The following ZNF679 variants were observed in gnomAD, a reference collection of about 807,000 sequenced individuals.
ZNF679 encodes the protein hypothetical protein MGC42415.
ZNF679 carries 10 observed loss-of-function variants against 13.4 expected under a neutral mutation model. The observed-to-expected ratio is 0.75, with a 90% CI of 0.46 to 1.27. The LOEUF is 1.27. ZNF679 is among the 50% of genes most tolerant of loss of function. The pLI is 0.00. For synonymous variants in ZNF679, 179 were observed against 162.5 expected (o/e 1.10, Z -0.77); for missense variants, 525 against 477.8 (o/e 1.10, Z -0.92).
intron 1 of ZNF679, among the ~76,000 whole-genome samples, chr7:64,244,556 A>G (rs531085096): frequency 3.3e-5 from 5 of 152,332 alleles, no homozygotes; most frequent in African/African-American, 1.2e-4. Flanking sequence ...AAGTGTACAA[A>G]GTATTTTCAA....
intron 1 of ZNF679, among the ~76,000 whole-genome samples, chr7:64,230,031 G>A (rs893189932): frequency 1.3e-5 from 2 of 152,206 alleles, no homozygotes; most frequent in Non-Finnish European, 1.5e-5. Flanking sequence ...GGCCCAGGCA[G>A]GAGGGTAACA....
chr7:64,259,966 A>T (rs1382180214), intron 2 of ZNF679, among the ~76,000 whole-genome samples: 2 of 152,090 alleles, frequency 1.3e-5, no homozygotes, highest in African/African-American at 4.8e-5. Flanking sequence ...AGAAAAAAAT[A>T]GACATGTGCA....
chr7:64,242,630 T>G (rs1312936325), intron 1 of ZNF679, among the ~76,000 whole-genome samples: 2 of 152,222 alleles, frequency 1.3e-5, no homozygotes, highest in Non-Finnish European at 2.9e-5. Context: ...TCTCCCTATA[T>G]AAAGGTGACA....
intron 2 of ZNF679, among the ~76,000 whole-genome samples, chr7:64,252,393 G>GA (rs1246125832): frequency 1.3e-4 from 20 of 151,964 alleles, no homozygotes; most frequent in Admixed American, 8.5e-4. Flanking sequence ...ATGAGTTTCA[G>GA]AAAAAAAATT....
chr7:64,249,029 G>C lies in ZNF679; in HGVS notation c.-89G>C, dbSNP rs1327455912. ...TCCTTTGTGTTTCTCTGCGTCCAGA[G>C]CTCCAGTTCTTCTCTTCACTGCTCT... On this transcript the variant is annotated splice_region_variant and 5_prime_UTR_variant, in exon 2 of 5. Transcript: ENST00000421025. 1.3e-6 allele frequency: 2 copies of C among 1,587,762 alleles called. No individual in the cohort carries two copies. Among genetic ancestry groups the C allele is most frequent in the Non-Finnish European group, 1.7e-6 (2 of 1,163,328 alleles).
At chr7:64,243,330 A>G (rs1787822482) in intron 1 of ZNF679, among the ~76,000 whole-genome samples, 1 of 152,082 alleles carries the variant, frequency 6.6e-6, no homozygotes. Context: ...CCCATCAACT[A>G]GGTGCTGGGC....
At chr7:64,238,837 C>T (rs886936867) in intron 1 of ZNF679, among the ~76,000 whole-genome samples, 1 of 152,118 alleles carries the variant, frequency 6.6e-6, no homozygotes, top group Non-Finnish European at 1.5e-5. Flanking sequence ...CTGCACCTGC[C>T]CATAGATCCC....
intron 4 of ZNF679, among the ~76,000 whole-genome samples, chr7:64,264,725 A>G (rs1788121629): frequency 6.6e-6 from 1 of 152,022 alleles, no homozygotes; most frequent in Non-Finnish European, 1.5e-5. Context: ...TCTGTTGTCA[A>G]ATGTGTCAGA....
intron 2 of ZNF679, among the ~76,000 whole-genome samples, chr7:64,255,762 C>A (rs368764140): frequency 5.3e-5 from 8 of 152,012 alleles, no homozygotes; most frequent in African/African-American, 1.9e-4. Flanking sequence ...GTGCATGCCA[C>A]CACACCCAGC....
intron 2 of ZNF679, among the ~76,000 whole-genome samples, chr7:64,256,331 G>T (rs1173193520): frequency 2.0e-5 from 3 of 152,082 alleles, no homozygotes; most frequent in Non-Finnish European, 4.4e-5. Flanking sequence ...AAGACATACA[G>T]GTTTATGTCT....
rs1787746590 is a variant in ZNF679 at position 64,237,756 on chromosome 7, C to T, written c.-91+9104C>T. ...CCATGGGCCCATCTATGCCTATAAG[C>T]AGCTATCTATAAATTATGGGCTTTT... On this transcript the variant is annotated intron_variant, in intron 1 of 4. Coordinates refer to ENST00000421025, the MANE Select transcript of ZNF679 (RefSeq NM_153363.3). Among the ~76,000 whole-genome samples the T allele has an allele frequency of 2.0e-5, 3 of 152,148 alleles. No individual in the cohort carries two copies. The South Asian group carries it at 6.2e-4, about 32-fold the overall frequency.
At chr7:64,257,723 A>G (rs1232095402) in intron 2 of ZNF679, among the ~76,000 whole-genome samples, 6 of 152,300 alleles carry the variant, frequency 3.9e-5, no homozygotes, top group African/African-American at 1.2e-4. Flanking sequence ...AAAATATAAT[A>G]TTTCAGGGTG....
intron 1 of ZNF679, among the ~76,000 whole-genome samples, chr7:64,232,780 C>T (rs975059786): frequency 2.6e-5 from 4 of 152,184 alleles, no homozygotes; most frequent in African/African-American, 9.7e-5. Flanking sequence ...TCACAATCTT[C>T]ACTTGGGGCA....
In ZNF679 at chr7:64,264,158, C is replaced by T. The variant is rs1788113069; in HGVS notation, c.263-1738C>T. On this transcript the variant is annotated intron_variant, in intron 4 of 4. Transcript: ENST00000421025. ...CTTTGTCTCATGCTAGTAATTGACT[C>T]ATTTTCTTTTGTGTGTCTATAAAGA... 2.6e-5 allele frequency among the ~76,000 whole-genome samples: 4 copies of T among 151,936 alleles called. No individual in the cohort carries two copies. In the South Asian group the frequency reaches 8.3e-4, roughly 32 times the overall value.
chr7:64,236,372 A>G (rs1463220454), intron 1 of ZNF679, among the ~76,000 whole-genome samples: 1 of 152,068 alleles, frequency 6.6e-6, no homozygotes, highest in Admixed American at 6.6e-5. Context: ...TCCTGAATTC[A>G]TCGTCATTTG....
At chr7:64,257,251 T>C (rs1788016284) in intron 2 of ZNF679, among the ~76,000 whole-genome samples, 1 of 152,190 alleles carries the variant, frequency 6.6e-6, no homozygotes, top group Non-Finnish European at 1.5e-5. Flanking sequence ...ATCACTCCCT[T>C]AGCTGTGACC....
chr7:64,238,977 G>A (rs1042003660), intron 1 of ZNF679, among the ~76,000 whole-genome samples: 2 of 151,980 alleles, frequency 1.3e-5, no homozygotes, highest in Non-Finnish European at 2.9e-5. Flanking sequence ...TCTTCTACTT[G>A]TATGAAGATC....
At chr7:64,250,123 T>G (rs1167601564) in intron 2 of ZNF679, among the ~76,000 whole-genome samples, 1 of 152,094 alleles carries the variant, frequency 6.6e-6, no homozygotes, top group Non-Finnish European at 1.5e-5. Flanking sequence ...ATTACAGGCA[T>G]GAGCCACCGC....
intron 1 of ZNF679, among the ~76,000 whole-genome samples, chr7:64,234,473 TACAG>T (rs1787681745): frequency 6.6e-6 from 1 of 152,090 alleles, no homozygotes. Flanking sequence ...GACATCTACT[TACAG>T]AGAGCGGGTC....
Sources: allele counts gnomAD v4.1 joint callset (sites outside exome capture counted in the v4.1 genomes callset), GRCh38; gene constraint gnomAD v4.1.1; transcripts MANE v1.5; gene names NCBI Gene and HGNC (gene_info 2026-07-23, HGNC 2026-07-21).